The following ALDH6A1 variants were observed in gnomAD, a reference collection of about 807,000 sequenced individuals.
The protein encoded by ALDH6A1 is methylmalonate-semialdehyde/malonate-semialdehyde dehydrogenase [acylating], mitochondrial.
Under a neutral mutation model 62.6 loss-of-function variants are expected in ALDH6A1, and 43 were observed. The ratio of observed to expected loss-of-function variants is 0.69; its 90% CI spans 0.54 to 0.89. The LOEUF (loss-of-function observed/expected upper bound fraction) is 0.89, where lower values mean the gene tolerates loss of function less well. Among genes scored for constraint, ALDH6A1 ranks in the 40% least tolerant of loss-of-function variants. The pLI is 0.00. For synonymous variants in ALDH6A1, 194 were observed against 234.2 expected (o/e 0.83, Z 1.57); for missense variants, 551 against 661.3 (o/e 0.83, Z 1.83).
intron 11 of ALDH6A1, among the ~76,000 whole-genome samples, chr14:74,062,459 G>C (rs1274973683): frequency 6.6e-6 from 1 of 151,980 alleles, no homozygotes; most frequent in Admixed American, 6.6e-5. Flanking sequence ...AAAATTGGCG[G>C]GTGTGGTGGC....
chr14:74,064,963 A>G, intron 10 of ALDH6A1, 43 bp from the exon 11 acceptor site: 1 of 1,569,842 alleles, frequency 6.4e-7, no homozygotes, highest in Non-Finnish European at 8.7e-7. Flanking sequence ...GGACAAAGGA[A>G]CTCTCCATTT....
rs761581330 is a variant in ALDH6A1, at chr14:74,064,858, G to A, written c.1467C>T (p.Ser489=). ...LPMFSFTGSR[S]SFRGDTNFYG... ...AGAAATTGGTGTCTCCCCTGAAGGAGGATCGAGAGCCGGTGAATGAGAACA... is the reference window on the plus strand; with the variant it reads ...AGAAATTGGTGTCTCCCCTGAAGGAAGATCGAGAGCCGGTGAATGAGAACA... The change falls in exon 11 of 12, where the codon TCC becomes TCT. Residue 489 remains serine, a synonymous_variant. Transcript: ENST00000553458. 1 of 1,614,092 alleles carries A rather than the reference G, an allele frequency of 6.2e-7. No individual in the cohort carries two copies. Among genetic ancestry groups the A allele is most frequent in the South Asian group, 1.1e-5 (1 of 91,076 alleles).
Position 74,065,595 on chromosome 14 carries a change from TC to T in ALDH6A1, c.1225-236del, listed in dbSNP as rs2060449160. ...AATTCCTATCAACAATAACCACACTTCCTTTAAGGGACTGTATCTTTAGTTC... is the reference window on the plus strand; with the variant it reads ...AATTCCTATCAACAATAACCACACTTCTTTAAGGGACTGTATCTTTAGTTC... On this transcript the variant is annotated intron_variant, in intron 9 of 11. Coordinates refer to ENST00000553458, the MANE Select transcript of ALDH6A1 (RefSeq NM_005589.4). 26 of 525,948 alleles carry T rather than the reference TC, an allele frequency of 4.9e-5. No individual in the cohort carries two copies. The South Asian group carries it at 5.4e-4, about 11-fold the overall frequency. The allele number at this position is 525,948 out of a possible 1,614,324, so 32.6% of individuals were successfully genotyped here.
chr14:74,065,049 C>T, intron 10 of ALDH6A1, 129 bp from the exon 11 acceptor site: 1 of 1,397,718 alleles, frequency 7.2e-7, no homozygotes, highest in East Asian at 2.4e-5. Flanking sequence ...AACTTTCATT[C>T]CTGAGGAAGA....
At chr14:74,075,428 G>A (rs776402754) in intron 1 of ALDH6A1, among the ~76,000 whole-genome samples, 30 of 152,010 alleles carry the variant, frequency 2.0e-4, no homozygotes, top group Non-Finnish European at 3.7e-4. Flanking sequence ...AAGCTGAGAC[G>A]GGTATATCAC....
intron 11 of ALDH6A1, chr14:74,064,557 C>A: frequency 1.2e-6 from 1 of 808,360 alleles, no homozygotes; most frequent in South Asian, 1.4e-5. Context: ...GGAAGAGGGT[C>A]ACACACTCAG....
intron 2 of ALDH6A1, among the ~76,000 whole-genome samples, chr14:74,074,288 ATTTTTTTT>A (rs35478388): frequency 7.7e-6 from 1 of 130,184 alleles, no homozygotes; most frequent in African/African-American, 2.9e-5. Context: ...CTTTCACTAA[ATTTTTTTT>A]TTTTTTTTTG....
chr14:74,081,810 C>T (rs1034435039), intron 1 of ALDH6A1, among the ~76,000 whole-genome samples: 1 of 152,216 alleles, frequency 6.6e-6, no homozygotes, highest in Non-Finnish European at 1.5e-5. Flanking sequence ...CAGTGCCTAA[C>T]ATAGAAAGAG....
Position 74,074,984 on chromosome 14 carries a change from A to G in ALDH6A1, c.82T>C (p.Tyr28His). 1.2e-6 allele frequency: 2 copies of G among 1,614,100 alleles called. No homozygotes were observed. The highest frequency in any genetic ancestry group is 1.7e-6 in the Non-Finnish European group (2 of 1,179,974). The change falls in exon 2 of 12, where the codon TAT becomes CAT. Residue 28 changes from tyrosine (Y) to histidine (H), a missense_variant. Transcript: ENST00000553458. ...GAAGAAGAGAAGGAAGATGCTGAAT[A>G]CCAGGTGGGACTGGATTTCACCTTG... ...SSKVKSSPTW[Y>H]SASSFSSSVP...
At position 74,071,297 on chromosome 14, in the gene ALDH6A1, G is replaced by A; in HGVS notation, c.628C>T (p.Pro210Ser). Reference protein sequence around the residue: ...MVCGNTFLMKPSERVPGATML... With the variant: ...MVCGNTFLMKSSERVPGATML... ...GTTGCTCCAGGGACTCGCTCAGATG[G>A]TTTCATTAGGAAGGTATTTCCACAC... is the stretch of plus-strand genomic sequence containing the variant. The change falls in exon 6 of 12, where the codon CCA (proline) becomes TCA (serine). Residue 210 changes from proline (P) to serine (S), a missense_variant. Physicochemically the swap from Pro to Ser is moderately conservative, Grantham distance 74. Transcript: ENST00000553458. 1 of 1,614,148 alleles carries A rather than the reference G, an allele frequency of 6.2e-7. No individual in the cohort carries two copies. Among genetic ancestry groups the A allele is most frequent in the Non-Finnish European group, 8.5e-7 (1 of 1,180,036 alleles).
At chr14:74,079,144 C>T (rs1397237153) in intron 1 of ALDH6A1, among the ~76,000 whole-genome samples, 2 of 151,736 alleles carry the variant, frequency 1.3e-5, no homozygotes, top group Non-Finnish European at 2.9e-5. Flanking sequence ...ACGTAATTAT[C>T]TTTACCACAT....
In ALDH6A1 at chr14:74,066,735, A is replaced by G; in HGVS notation, c.1194T>C (p.Phe398=). The G allele has an allele frequency of 6.2e-7, 1 of 1,614,152 alleles. No individual in the cohort carries two copies. Among genetic ancestry groups the G allele is most frequent in the Non-Finnish European group, 8.5e-7 (1 of 1,180,038 alleles). The change falls in exon 9 of 12, where the codon TTT becomes TTC. Residue 398 remains phenylalanine (F), a synonymous_variant. Transcript: ENST00000553458. ...CATTCGAGATGATGGTTGGTCCAAC[A>G]AAGTTGCCATTTTCATAGCCTTTCA... ...IKVKGYENGN[F]VGPTIISNVK...
At chr14:74,079,230 A>G (rs1249926121) in intron 1 of ALDH6A1, among the ~76,000 whole-genome samples, 1 of 151,488 alleles carries the variant, frequency 6.6e-6, no homozygotes, top group Non-Finnish European at 1.5e-5. Context: ...TAATCCCAGC[A>G]CTTTGGGAGG....
chr14:74,057,378 A>AGT lies in ALDH6A1; in HGVS notation c.*3262_*3263dup. 6.4e-7 allele frequency: 1 copy of AGT among 1,555,126 alleles called. No individual in the cohort carries two copies. Among genetic ancestry groups the AGT allele is most frequent in the Non-Finnish European group, 8.7e-7 (1 of 1,150,876 alleles). ...AGAGACTTCAGGGATCAGTGGAATG[A>AGT]GTAATAAATAGCATTAGTAGATTAC... On this transcript the variant is annotated 3_prime_UTR_variant, in exon 12 of 12. Coordinates refer to ENST00000553458, the MANE Select transcript of ALDH6A1 (RefSeq NM_005589.4).
At chr14:74,079,738 T>A (rs945100074) in intron 1 of ALDH6A1, among the ~76,000 whole-genome samples, 1 of 152,158 alleles carries the variant, frequency 6.6e-6, no homozygotes, top group Admixed American at 6.5e-5. Flanking sequence ...GGCCTAATTT[T>A]TTGTATTTTT....
intron 1 of ALDH6A1, among the ~76,000 whole-genome samples, chr14:74,080,568 C>T (rs766889834): frequency 6.6e-6 from 1 of 151,926 alleles, no homozygotes; most frequent in Non-Finnish European, 1.5e-5. Flanking sequence ...CTCCCAAGTA[C>T]CTAGGAGTAC....
rs140319465 is a variant in ALDH6A1, at chr14:74,067,429, C to A, written c.993G>T (p.Lys331Asn). Residue 331 changes from lysine to asparagine, a missense_variant, in exon 8 of 12, where the codon AAG (lysine) becomes AAT (asparagine). By Grantham distance (94) the Lys-to-Asn change is moderately conservative. Coordinates refer to ENST00000553458, the MANE Select transcript of ALDH6A1 (RefSeq NM_005589.4). ...CATGCTCCACCAGCTCTGGCAGCCA[C>A]TTCTTGGCTTCTCCCACAAGGACTG... ...STAVLVGEAKKWLPELVEHAK... is the reference protein window; with the variant it reads ...STAVLVGEAKNWLPELVEHAK... The A allele has an allele frequency of 6.2e-7, 1 of 1,614,102 alleles. No individual in the cohort carries two copies. The highest frequency in any genetic ancestry group is 8.5e-7 in the Non-Finnish European group (1 of 1,180,052).
At chr14:74,061,267 C>T (rs1196113977) in intron 11 of ALDH6A1, among the ~76,000 whole-genome samples, 1 of 151,632 alleles carries the variant, frequency 6.6e-6, no homozygotes, top group African/African-American at 2.4e-5. Flanking sequence ...TGTGAGCCAC[C>T]GTGCCCCCAG....
chr14:74,075,931 T>A (rs2060608256), intron 1 of ALDH6A1, among the ~76,000 whole-genome samples: 1 of 152,152 alleles, frequency 6.6e-6, no homozygotes, highest in African/African-American at 2.4e-5. Flanking sequence ...ACATGCAATA[T>A]AAATAGTCAT....
Sources: allele counts gnomAD v4.1 joint callset (sites outside exome capture counted in the v4.1 genomes callset), GRCh38; gene constraint gnomAD v4.1.1; transcripts MANE v1.5; gene names NCBI Gene and HGNC (gene_info 2026-07-23, HGNC 2026-07-21).